CEP112: variants seen among roughly 807,000 people sequenced by gnomAD.
The protein encoded by CEP112 is centrosomal protein of 112 kDa.
CEP112 carries 127 observed loss-of-function variants against 153.0 expected under a neutral mutation model. The observed-to-expected ratio is 0.83, with a 90% CI of 0.72 to 0.96. CEP112 has a LOEUF of 0.96. Ranked by LOEUF, CEP112 falls within the 40% of genes least tolerant of loss-of-function variation. The probability of loss-of-function intolerance (pLI) is 0.00; values close to 1 mark genes in which losing one functional copy is unlikely to be tolerated. For missense variants in CEP112, 1,089 were observed against 1,101.2 expected, an observed-to-expected ratio of 0.99 and a Z score of 0.16; for synonymous variants, 358 against 374.4, an observed-to-expected ratio of 0.96 and a Z score of 0.51.
chr17:65,636,101 T>A, intron 26 of CEP112, 127 bp from the exon 27 acceptor site: 2 of 874,266 alleles, frequency 2.3e-6, no homozygotes, highest in South Asian at 3.1e-5. Flanking sequence ...AATGTCATAA[T>A]TTATGCTTAT....
intron 21 of CEP112, among the ~76,000 whole-genome samples, chr17:65,764,390 C>T (rs1422308644): frequency 2.0e-5 from 3 of 152,206 alleles, no homozygotes; most frequent in South Asian, 2.1e-4. Context: ...TCTATTTCTC[C>T]CTTCATGTCC....
intron 24 of CEP112, among the ~76,000 whole-genome samples, chr17:65,682,902 T>C (rs2047601690): frequency 6.6e-6 from 1 of 152,200 alleles, no homozygotes; most frequent in Admixed American, 6.5e-5. Context: ...TTTTGAAGTA[T>C]TTTTACACAC....
chr17:65,831,785 A>T (rs1463018276), intron 21 of CEP112, among the ~76,000 whole-genome samples: 1 of 152,212 alleles, frequency 6.6e-6, no homozygotes, highest in Non-Finnish European at 1.5e-5. Flanking sequence ...AGAATTAGTG[A>T]GCCTAAAGAC....
intron 19 of CEP112, among the ~76,000 whole-genome samples, chr17:65,907,303 T>A (rs1485243308): frequency 6.6e-6 from 1 of 152,218 alleles, no homozygotes; most frequent in East Asian, 1.9e-4. Flanking sequence ...TTATTCATTT[T>A]TAAAAATCAG....
intron 6 of CEP112, among the ~76,000 whole-genome samples, chr17:66,103,642 T>C (rs1266546388): frequency 1.4e-5 from 2 of 138,642 alleles, no homozygotes; most frequent in African/African-American, 5.1e-5. Flanking sequence ...ACTATTCACA[T>C]AAAAAAGCAC....
At chr17:65,807,901 G>A (rs2055707393) in intron 21 of CEP112, among the ~76,000 whole-genome samples, 1 of 152,212 alleles carries the variant, frequency 6.6e-6, no homozygotes, top group Non-Finnish European at 1.5e-5. Flanking sequence ...GTCCCCACTG[G>A]GGCACTGCCT....
intron 17 of CEP112, among the ~76,000 whole-genome samples, chr17:65,976,735 C>CTTTTTTTT (rs771108755): frequency 1.1e-3 from 97 of 85,310 alleles, no homozygotes; most frequent in East Asian, 4.1e-3. Context: ...ATAACTTTTT[C>CTTTTTTTT]TTTTTTTTTT....
intron 23 of CEP112, among the ~76,000 whole-genome samples, chr17:65,724,784 C>A (rs1288417908): frequency 6.6e-6 from 1 of 152,156 alleles, no homozygotes; most frequent in Non-Finnish European, 1.5e-5. Context: ...GAAATGAAGT[C>A]CACCAACAGG....
intron 16 of CEP112, among the ~76,000 whole-genome samples, chr17:66,017,484 C>T (rs1024756107): frequency 3.9e-5 from 6 of 152,168 alleles, no homozygotes; most frequent in Admixed American, 3.3e-4. Context: ...AGGATAATAT[C>T]TAGCCCATAC....
At chr17:66,165,148 C>T (rs1229701335) in intron 4 of CEP112, among the ~76,000 whole-genome samples, 1 of 151,498 alleles carries the variant, frequency 6.6e-6, no homozygotes, top group Non-Finnish European at 1.5e-5. Context: ...CCCACCGAGA[C>T]AGAGAACAGG....
At position 66,188,485 on chromosome 17, in the gene CEP112, A is replaced by G. The variant is rs75010492; in HGVS notation, c.-9+3512T>C. ...CTGGAGTCAGGTAAATGCAGCTCAA[A>G]TGTCACCTGAGTGAAGCTGGCCCCC... is the stretch of plus-strand genomic sequence containing the variant. On this transcript the variant is annotated intron_variant, in intron 1 of 26. Transcript: ENST00000535342. 7.7e-3 allele frequency among the ~76,000 whole-genome samples: 1,149 copies of G among 149,400 alleles called. 14 individuals are homozygous for G. The highest frequency in any genetic ancestry group is 0.027 in the African/African-American group (1,081 of 40,530).
intron 6 of CEP112, among the ~76,000 whole-genome samples, chr17:66,099,434 G>T (rs1198267138): frequency 1.3e-5 from 2 of 150,670 alleles, no homozygotes; most frequent in Non-Finnish European, 3.0e-5. Context: ...AACCCAAGAG[G>T]TGGAGGTTGC....
At chr17:65,735,642 TTTTTAACCATAAG>T (rs1394965065) in intron 23 of CEP112, among the ~76,000 whole-genome samples, 2 of 152,230 alleles carry the variant, frequency 1.3e-5, no homozygotes, top group Non-Finnish European at 2.9e-5. Context: ...TTGCTTTTTA[TTTTTAACCATAAG>T]TACATGGTAG....
intron 8 of CEP112, among the ~76,000 whole-genome samples, chr17:66,089,453 A>G (rs2068056773): frequency 6.6e-6 from 1 of 152,224 alleles, no homozygotes; most frequent in African/African-American, 2.4e-5. Context: ...AATCAGAAAA[A>G]CAGTAAGTGT....
intron 20 of CEP112, among the ~76,000 whole-genome samples, chr17:65,866,715 T>C (rs2058498239): frequency 6.6e-6 from 1 of 152,052 alleles, no homozygotes; most frequent in African/African-American, 2.4e-5. Flanking sequence ...CCCTCTCTGC[T>C]GAGAGCTGAA....
intron 17 of CEP112, among the ~76,000 whole-genome samples, chr17:65,988,074 G>T (rs1428308668): frequency 6.6e-6 from 1 of 152,078 alleles, no homozygotes; most frequent in East Asian, 1.9e-4. Flanking sequence ...AACAGCCCAG[G>T]TCCCCTAGGC....
chr17:65,978,483 T>G (rs1419994972), intron 17 of CEP112, among the ~76,000 whole-genome samples: 3 of 152,228 alleles, frequency 2.0e-5, no homozygotes, highest in Non-Finnish European at 4.4e-5. Context: ...GAACAATCGG[T>G]GAAATCTCTA....
At chr17:65,754,116 A>G (rs940824331) in intron 21 of CEP112, among the ~76,000 whole-genome samples, 1 of 152,206 alleles carries the variant, frequency 6.6e-6, no homozygotes, top group African/African-American at 2.4e-5. Flanking sequence ...CAATCAAGAA[A>G]GAGAGAGAGG....
intron 24 of CEP112, among the ~76,000 whole-genome samples, chr17:65,675,741 T>C (rs888290630): frequency 2.2e-4 from 33 of 151,614 alleles, no homozygotes; most frequent in Admixed American, 1.8e-3. Flanking sequence ...GGATAACAAA[T>C]GGGATTAATT....
Sources: gnomAD v4.1 joint callset for allele counts (sites outside exome capture counted in the v4.1 genomes callset) on GRCh38, gnomAD v4.1.1 for gene constraint, MANE v1.5 for transcripts, NCBI Gene and HGNC (gene_info 2026-07-23, HGNC 2026-07-21) for gene names.